The following TMEM69 variants were observed in gnomAD, a reference collection of about 807,000 sequenced individuals.
TMEM69 encodes chromosome 1 open reading frame 154.
In TMEM69, 17 loss-of-function variants were observed where a neutral mutation model predicts 15.8. The observed-to-expected ratio is 1.07, with a 90% CI of 0.73 to 1.61. The LOEUF is 1.61. Among genes scored for constraint, TMEM69 ranks in the 40% most tolerant of loss-of-function variants. TMEM69 has a pLI of 0.00. For missense variants in TMEM69, 230 were observed against 286.1 expected, an observed-to-expected ratio of 0.80 and a Z score of 1.41; for synonymous variants, 80 against 98.6, an observed-to-expected ratio of 0.81 and a Z score of 1.12.
intron 1 of TMEM69, among the ~76,000 whole-genome samples, chr1:45,688,903 A>ATT (rs10683143): frequency 8.2e-5 from 11 of 134,474 alleles, no homozygotes; most frequent in East Asian, 4.4e-4. Context: ...AGTTCAATCG[A>ATT]TTTTTTTTTT....
rs76651787 is a variant in TMEM69 at position 45,690,054 on chromosome 1, A to G, written c.-95-920A>G. 3.0e-3 allele frequency among the ~76,000 whole-genome samples: 460 copies of G among 152,298 alleles called. 4 individuals are homozygous for G. The highest frequency in any genetic ancestry group is 0.022 in the East Asian group (116 of 5,186). Reference sequence around the variant, plus strand: ...AGTATCCATATTTCAAAGGTGAATGAACTGCACCATAACAAGATTAAATAA... The same window carrying G: ...AGTATCCATATTTCAAAGGTGAATGGACTGCACCATAACAAGATTAAATAA... On this transcript the variant is annotated intron_variant, in intron 1 of 2. Transcript: ENST00000372025.
intron 2 of TMEM69, 136 bp from the exon 3 acceptor site, chr1:45,693,067 GA>G (rs1185090321): frequency 8.2e-6 from 5 of 610,048 alleles, no homozygotes; most frequent in Admixed American, 3.2e-5. Context: ...TGTATAGTTT[GA>G]TGTGGTAATG....
chr1:45,693,250 A>C lies in TMEM69; in HGVS notation c.89A>C (p.Asp30Ala). The C allele has an allele frequency of 6.2e-7, 1 of 1,614,156 alleles. No homozygotes were observed. The highest frequency in any genetic ancestry group is 2.2e-5 in the East Asian group (1 of 44,884). ...GTGGGACTAAGAACCAGCAGAACAG[A>C]TATACTTTCTCTCAAGATGTCTCTC... ...FPVGLRTSRTDILSLKMSLQQ... is the reference protein window; with the variant it reads ...FPVGLRTSRTAILSLKMSLQQ... The change falls in exon 3 of 3, where the codon GAT (aspartate) becomes GCT (alanine). Residue 30 changes from aspartate (D) to alanine (A), a missense_variant. Physicochemically the swap from Asp to Ala is moderately radical, Grantham distance 126. Transcript: ENST00000372025.
intron 1 of TMEM69, among the ~76,000 whole-genome samples, chr1:45,688,637 G>C (rs1645319977): frequency 6.6e-6 from 1 of 151,904 alleles, no homozygotes; most frequent in Admixed American, 6.6e-5. Context: ...TTCCAAAGAT[G>C]GGGGGATGGT....
rs201278828 is a variant in TMEM69, at chr1:45,693,486, G to A, written c.325G>A (p.Val109Ile). ...CVTLAGLIPF[V>I]APPLVMLMTK... Reference sequence around the variant, plus strand: ...AACTCTGGCAGGACTAATCCCCTTCGTTGCTCCACCACTGGTCATGCTGAT... The same window carrying A: ...AACTCTGGCAGGACTAATCCCCTTCATTGCTCCACCACTGGTCATGCTGAT... The change falls in exon 3 of 3, where the codon GTT (valine) becomes ATT (isoleucine). Residue 109 changes from valine to isoleucine, a missense_variant. Val to Ile is a conservative substitution (Grantham distance 29, BLOSUM62 3). Coordinates refer to ENST00000372025, the MANE Select transcript of TMEM69 (RefSeq NM_016486.4). 3.2e-4 allele frequency: 523 copies of A among 1,614,004 alleles called. No individual in the cohort carries two copies. The highest frequency in any genetic ancestry group is 4.1e-4 in the Non-Finnish European group (481 of 1,180,034).
rs1337605170 is a variant in TMEM69 at position 45,694,355 on chromosome 1, A to C, written c.*450A>C. Reference sequence around the variant, plus strand: ...TCTCATAGTATATTAGTTTTCACTCAGTCATTTTATGAATAATATAGTTAT... The same window carrying C: ...TCTCATAGTATATTAGTTTTCACTCCGTCATTTTATGAATAATATAGTTAT... On this transcript the variant is annotated 3_prime_UTR_variant, in exon 3 of 3. Coordinates refer to ENST00000372025, the MANE Select transcript of TMEM69 (RefSeq NM_016486.4). The C allele has an allele frequency of 1.1e-6, 1 of 870,970 alleles. No individual in the cohort carries two copies. The highest frequency in any genetic ancestry group is 1.7e-5 in the African/African-American group (1 of 59,300). The allele number at this position is 870,970 out of a possible 1,614,324, so 54.0% of individuals were successfully genotyped here. A position where few individuals can be genotyped will look rare whatever the true frequency, so the allele number is the denominator to read the frequency against.
At position 45,694,065 on chromosome 1, in the gene TMEM69, T is replaced by C. The variant is rs1645365260; in HGVS notation, c.*160T>C. On this transcript the variant is annotated 3_prime_UTR_variant, in exon 3 of 3. Coordinates refer to ENST00000372025, the MANE Select transcript of TMEM69 (RefSeq NM_016486.4). ...CCTTCCACGTGTGAAGTGACAGCCT[T>C]GTGTGTGATCTTTTCTGTCTTCCCC... The C allele has an allele frequency of 3.9e-6, 2 of 507,810 alleles. No individual in the cohort carries two copies. The highest frequency in any genetic ancestry group is 3.2e-5 in the East Asian group (1 of 31,014). 31.5% of individuals were successfully genotyped at this position (507,810 alleles called of 1,614,324 possible).
In TMEM69 at chr1:45,694,167, A is replaced by T. The variant is rs555145420; in HGVS notation, c.*262A>T. On this transcript the variant is annotated 3_prime_UTR_variant, in exon 3 of 3. Transcript: ENST00000372025. ...ATATATATATATAAATACACTGTAG[A>T]TAACATTTGTATGCCAGCTACACCT... 40 of 459,860 alleles carry T rather than the reference A, an allele frequency of 8.7e-5. No homozygotes were observed. In the East Asian group the frequency reaches 1.4e-3, roughly 17 times the overall value. The allele number at this position is 459,860 out of a possible 1,614,324, so 28.5% of individuals were successfully genotyped here.
chr1:45,691,060 G>A lies in TMEM69; in HGVS notation c.-9G>A, dbSNP rs1433543420. 6.2e-7 allele frequency: 1 copy of A among 1,614,136 alleles called. No individual in the cohort carries two copies. The highest frequency in any genetic ancestry group is 1.7e-5 in the Admixed American group (1 of 60,022). ...ATCTTCCTGAACAAGACTTTCAATA[G>A]GGGCCAGTATGCTTCGCTTCATCCA... On this transcript the variant is annotated 5_prime_UTR_variant, in exon 2 of 3. The change abolishes the stop of an existing upstream ORF in the 5' untranslated region. Coordinates refer to ENST00000372025, the MANE Select transcript of TMEM69 (RefSeq NM_016486.4).
chr1:45,692,292 G>A (rs1394566435), intron 2 of TMEM69, among the ~76,000 whole-genome samples: 1 of 152,224 alleles, frequency 6.6e-6, no homozygotes, highest in Non-Finnish European at 1.5e-5. Context: ...GGGAAGAGCA[G>A]TAAATATGGA....
chr1:45,689,077 G>T (rs562948367), intron 1 of TMEM69, among the ~76,000 whole-genome samples: 1 of 151,666 alleles, frequency 6.6e-6, no homozygotes, highest in African/African-American at 2.4e-5. Context: ...CTAATTTTTT[G>T]TATTTTTAGT....
In TMEM69 at chr1:45,694,373, A is replaced by G. The variant is rs1473805464; in HGVS notation, c.*468A>G. The G allele has an allele frequency of 6.4e-6, 6 of 936,948 alleles. No homozygotes were observed. The highest frequency in any genetic ancestry group is 1.0e-5 in the Non-Finnish European group (6 of 588,284). The allele number at this position is 936,948 out of a possible 1,614,324, so 58.0% of individuals were successfully genotyped here. On this transcript the variant is annotated 3_prime_UTR_variant, in exon 3 of 3. Transcript: ENST00000372025. ...TTCACTCAGTCATTTTATGAATAAT[A>G]TAGTTATCCACTTAAACATTTCAAT... is the stretch of plus-strand genomic sequence containing the variant.
intron 1 of TMEM69, among the ~76,000 whole-genome samples, chr1:45,689,919 C>G (rs932740278): frequency 9.9e-5 from 15 of 151,904 alleles, no homozygotes; most frequent in Non-Finnish European, 2.9e-5. Flanking sequence ...CCCTCGATCC[C>G]GGGAGGTCAA....
In TMEM69 at chr1:45,693,359, AT is replaced by A. The variant is rs781201341; in HGVS notation, c.199del (p.Ser67ProfsTer14). The A allele has an allele frequency of 3.0e-5, 48 of 1,614,192 alleles. No homozygotes were observed. The African/African-American group carries it at 3.5e-4, about 12-fold the overall frequency. ...YMSKTQCYHT[S>X]PCSFKKQQKQ... ...TGAGCAAGACACAGTGCTATCATACATCCCCCTGCAGCTTTAAAAAGCAGCA... is the reference window on the plus strand; with the variant it reads ...TGAGCAAGACACAGTGCTATCATACACCCCCTGCAGCTTTAAAAAGCAGCA... On this transcript the variant is annotated frameshift_variant, in exon 3 of 3. Coordinates refer to ENST00000372025, the MANE Select transcript of TMEM69 (RefSeq NM_016486.4). LOFTEE classifies it high-confidence loss of function.
At chr1:45,689,061 G>C (rs1645325177) in intron 1 of TMEM69, among the ~76,000 whole-genome samples, 1 of 151,560 alleles carries the variant, frequency 6.6e-6, no homozygotes, top group African/African-American at 2.4e-5. Context: ...CTGCCACCAC[G>C]CCCAGCTAAT....
At chr1:45,691,357 G>GCA (rs1645343948) in intron 2 of TMEM69, among the ~76,000 whole-genome samples, 1 of 152,096 alleles carries the variant, frequency 6.6e-6, no homozygotes, top group African/African-American at 2.4e-5. Flanking sequence ...TTCAAGACCA[G>GCA]TCTGGGCACA....
rs764552943 is a variant in TMEM69 at position 45,693,458 on chromosome 1, T to C, written c.297T>C (p.Cys99=). Residue 99 remains cysteine, a synonymous_variant, in exon 3 of 3, where the codon TGT becomes TGC. Coordinates refer to ENST00000372025, the MANE Select transcript of TMEM69 (RefSeq NM_016486.4). ...YLTDSPKPAL[C]VTLAGLIPFV... ...CTGACAGCCCAAAGCCAGCATTATG[T>C]GTAACTCTGGCAGGACTAATCCCCT... 3.7e-6 allele frequency: 6 copies of C among 1,614,086 alleles called. No homozygotes were observed. The highest frequency in any genetic ancestry group is 5.1e-6 in the Non-Finnish European group (6 of 1,180,052).
chr1:45,689,328 C>T (rs1183657383), intron 1 of TMEM69, among the ~76,000 whole-genome samples: 1 of 152,100 alleles, frequency 6.6e-6, no homozygotes, highest in Non-Finnish European at 1.5e-5. Context: ...TTACTGGCTG[C>T]TTACATTAGA....
At chr1:45,691,290 C>T (rs1036221338) in intron 2 of TMEM69, among the ~76,000 whole-genome samples, 180 bp downstream of exon 2, 1 of 152,190 alleles carries the variant, frequency 6.6e-6, no homozygotes. Flanking sequence ...TGGCTCACGC[C>T]TGTAGTCCCA....
Sources: gnomAD v4.1 joint callset for allele counts (sites outside exome capture counted in the v4.1 genomes callset) on GRCh38, gnomAD v4.1.1 for gene constraint, MANE v1.5 for transcripts, NCBI Gene and HGNC (gene_info 2026-07-23, HGNC 2026-07-21) for gene names.